ASPHD1: variants seen among roughly 807,000 people sequenced by gnomAD.
ASPHD1 encodes the protein aspartate beta-hydroxylase domain-containing protein 1.
Under a neutral mutation model 28.3 loss-of-function variants are expected in ASPHD1, and 20 were observed. That is an observed-to-expected ratio of 0.71 (90% CI 0.50 to 1.03). The LOEUF (loss-of-function observed/expected upper bound fraction) is 1.03, where lower values mean the gene tolerates loss of function less well. Ranked by LOEUF, ASPHD1 falls within the 50% of genes least tolerant of loss-of-function variation. ASPHD1 has a pLI of 0.00. For synonymous variants in ASPHD1, 240 were observed against 221.2 expected, an observed-to-expected ratio of 1.08 and a Z score of -0.75; for missense variants, 479 against 524.1, an observed-to-expected ratio of 0.91 and a Z score of 0.84.
Position 29,905,989 on chromosome 16 carries a change from GTGGGC to G in ASPHD1, c.*93_*97del. The G allele has an allele frequency of 1.3e-5, 10 of 765,256 alleles. No individual in the cohort carries two copies. Among genetic ancestry groups the G allele is most frequent in the East Asian group, 6.4e-5 (2 of 31,494 alleles). The allele number at this position is 765,256 out of a possible 1,614,324, so 47.4% of individuals were successfully genotyped here. Reference sequence around the variant, plus strand: ...CCAGGACCTCCTCTCTACTGCGGGGGTGGGCGGGGGCGGAGGATGGGAACTGGCTA... The same window carrying G: ...CCAGGACCTCCTCTCTACTGCGGGGGGGGGGCGGAGGATGGGAACTGGCTA... On this transcript the variant is annotated 3_prime_UTR_variant, in exon 3 of 3. Transcript: ENST00000308748.
downstream of ASPHD1, chr16:29,906,871 G>A (rs371356818): frequency 6.2e-5 from 100 of 1,612,994 alleles, no homozygotes; most frequent in Middle Eastern, 5.0e-4. Flanking sequence ...AGGGTCAGAG[G>A]TCAGTCCTTG....
At position 29,900,947 on chromosome 16, in the gene ASPHD1, A is replaced by C; in HGVS notation, c.-25A>C. On this transcript the variant is annotated 5_prime_UTR_variant, in exon 1 of 3. Coordinates refer to ENST00000308748, the MANE Select transcript of ASPHD1 (RefSeq NM_181718.4). ...TAGAAGGAGAGAGAAAGGGGAGAGA[A>C]AGGAGAGAGGAGGGTTGGAGGTGCA... 6.5e-7 allele frequency: 1 copy of C among 1,544,054 alleles called. No homozygotes were observed. Among genetic ancestry groups the C allele is most frequent in the Non-Finnish European group, 8.8e-7 (1 of 1,141,634 alleles).
chr16:29,911,690 G>A (rs544369227), intron 3 of ASPHD1: 11 of 1,007,868 alleles, frequency 1.1e-5, no homozygotes, highest in Non-Finnish European at 1.6e-5. Context: ...AGGCGAAGCC[G>A]AATCTGCGAG....
chr16:29,906,463 G>A (rs918005862), downstream of ASPHD1: 15 of 463,268 alleles, frequency 3.2e-5, no homozygotes, highest in Non-Finnish European at 6.0e-5. Flanking sequence ...AGGAGGTAGG[G>A]AGGATGGTGG....
At chr16:29,903,762 T>A (rs2150829087) in intron 1 of ASPHD1, among the ~76,000 whole-genome samples, 1 of 152,274 alleles carries the variant, frequency 6.6e-6, no homozygotes, top group East Asian at 1.9e-4. Context: ...GAAAAACTCC[T>A]ACTCAGCCTT....
intron 2 of ASPHD1, 100 bp from the exon 3 acceptor site, chr16:29,905,688 G>T: frequency 3.0e-6 from 2 of 658,088 alleles, no homozygotes; most frequent in Non-Finnish European, 2.7e-6. Flanking sequence ...AACAAGGCCT[G>T]CCACTTATTT....
intron 3 of ASPHD1, chr16:29,911,250 G>A (rs2068703300): frequency 7.1e-6 from 8 of 1,122,388 alleles, no homozygotes; most frequent in African/African-American, 1.5e-5. Context: ...GGGCCTGGAT[G>A]CATTCCCAGT....
chr16:29,915,794 G>A (rs868074955), intron 3 of ASPHD1, among the ~76,000 whole-genome samples: 8 of 152,152 alleles, frequency 5.3e-5, no homozygotes, highest in Middle Eastern at 6.8e-3. Context: ...CTTAACAAAG[G>A]ACTTTTTCAT....
chr16:29,918,473 T>C (rs1333896787), intron 3 of ASPHD1, among the ~76,000 whole-genome samples: 2 of 152,170 alleles, frequency 1.3e-5, no homozygotes, highest in Non-Finnish European at 2.9e-5. Flanking sequence ...TATTTTATTA[T>C]TTATTCATTT....
intron 2 of ASPHD1, among the ~76,000 whole-genome samples, chr16:29,905,548 A>G (rs190189737): frequency 1.7e-4 from 25 of 151,084 alleles, no homozygotes; most frequent in African/African-American, 4.9e-4. Flanking sequence ...GAATTGCTTG[A>G]ACCTGGGAGG....
downstream of ASPHD1, chr16:29,906,767 A>G: frequency 1.1e-6 from 1 of 916,180 alleles, no homozygotes; most frequent in Non-Finnish European, 1.7e-6. Flanking sequence ...ACAGAGGAGG[A>G]CCCACGACTT....
Position 29,911,490 on chromosome 16 carries a change from C to T in ASPHD1, c.*62+5531C>T, listed in dbSNP as rs995672338. ...CAAGTTACTTCACCTCTTGGTGTCC[C>T]GACCTCCTCATCTGTAAAATGGAGC... On this transcript the variant is annotated intron_variant and NMD_transcript_variant, in intron 3 of 3. Coordinates refer to the ASPHD1 transcript ENST00000414952. 38 of 562,818 alleles carry T rather than the reference C, an allele frequency of 6.8e-5. 1 individual carries two copies. The highest frequency in any genetic ancestry group is 5.3e-4 in the Admixed American group (16 of 30,274). The allele number at this position is 562,818 out of a possible 1,614,324, so 34.9% of individuals were successfully genotyped here.
downstream of ASPHD1, among the ~76,000 whole-genome samples, chr16:29,909,375 TG>T (rs2068666297): frequency 6.6e-6 from 1 of 152,188 alleles, no homozygotes; most frequent in South Asian, 2.1e-4. Context: ...GGCAACAGTG[TG>T]TGCAGAGGTA....
At chr16:29,905,050 C>T (rs903892677) in intron 2 of ASPHD1, 85 bp downstream of exon 2, 26 of 978,420 alleles carry the variant, frequency 2.7e-5, no homozygotes, top group South Asian at 2.5e-4. Flanking sequence ...TCAGGCCCAA[C>T]GGACTTCCTG....
chr16:29,914,975 C>CA lies in ASPHD1; in HGVS notation c.*63-4542dup, dbSNP rs538063744. 5.3e-3 allele frequency: 682 copies of CA among 128,628 alleles called. 1 individual carries two copies. The highest frequency in any genetic ancestry group is 0.011 in the Admixed American group (134 of 12,746). 8.0% of individuals were successfully genotyped at this position (128,628 alleles called of 1,614,324 possible). On this transcript the variant is annotated intron_variant and NMD_transcript_variant, in intron 3 of 3. Transcript: ENST00000414952. ...TGGGCAACATAGCAAGACTCTGTCTCAAAAAAAAAAAAAAGTGGGGCAGGG... is the reference window on the plus strand; with the variant it reads ...TGGGCAACATAGCAAGACTCTGTCTCAAAAAAAAAAAAAAAGTGGGGCAGGG...
At position 29,901,661 on chromosome 16, in the gene ASPHD1, C is replaced by G; in HGVS notation, c.690C>G (p.Asp230Glu). 1 of 1,583,520 alleles carries G rather than the reference C, an allele frequency of 6.3e-7. No homozygotes were observed. Among genetic ancestry groups the G allele is most frequent in the Non-Finnish European group, 8.5e-7 (1 of 1,171,002 alleles). ...ILRDFGAVSW[D>E]FSGTTPPPRG... ...GGGACTTCGGGGCTGTGAGCTGGGACTTCTCAGGGACTACCCCTCCGCCTC... is the reference window on the plus strand; with the variant it reads ...GGGACTTCGGGGCTGTGAGCTGGGAGTTCTCAGGGACTACCCCTCCGCCTC... Residue 230 changes from aspartate (D) to glutamate (E), a missense_variant, in exon 1 of 3, where the codon GAC becomes GAG. Physicochemically the swap from Asp to Glu is conservative, Grantham distance 45. Coordinates refer to ENST00000308748, the MANE Select transcript of ASPHD1 (RefSeq NM_181718.4). This position sits in a 1 kb window ranked among gnomAD's most constrained non-coding sequence, Gnocchi z 5.1.
In ASPHD1 at chr16:29,906,046, T is replaced by G; in HGVS notation, c.*149T>G. The G allele has an allele frequency of 1.8e-6, 1 of 560,018 alleles. No homozygotes were observed. The highest frequency in any genetic ancestry group is 3.1e-6 in the Non-Finnish European group (1 of 324,790). The allele number at this position is 560,018 out of a possible 1,614,324, so 34.7% of individuals were successfully genotyped here. A position where few individuals can be genotyped will look rare whatever the true frequency, so the allele number is the denominator to read the frequency against. On this transcript the variant is annotated 3_prime_UTR_variant, in exon 3 of 3. Transcript: ENST00000308748. ...TGAGCACTGAAATATAAATTCTGAATCCTCTCCTAACTCCCGACTACTTCC... is the reference window on the plus strand; with the variant it reads ...TGAGCACTGAAATATAAATTCTGAAGCCTCTCCTAACTCCCGACTACTTCC...
downstream of ASPHD1, chr16:29,906,907 G>A (rs973373938): frequency 3.1e-6 from 5 of 1,614,140 alleles, no homozygotes; most frequent in East Asian, 2.2e-5. Context: ...CCATGAGGAC[G>A]CTCGTCGTGG....
rs748847924 is a variant in ASPHD1 at position 29,900,929 on chromosome 16, A to AGAGAGAAAGGG, written c.-32_-22dup. 1 of 1,521,308 alleles carries AGAGAGAAAGGG rather than the reference A, an allele frequency of 6.6e-7. No homozygotes were observed. Among genetic ancestry groups the AGAGAGAAAGGG allele is most frequent in the South Asian group, 1.2e-5 (1 of 83,094 alleles). The allele number at this position is 1,521,308 out of a possible 1,614,324, so 94.2% of individuals were successfully genotyped here. ...GAGAGGAGGAAGAAGAGGTAGAAGGAGAGAGAAAGGGGAGAGAAAGGAGAG... is the reference window on the plus strand; with the variant it reads ...GAGAGGAGGAAGAAGAGGTAGAAGGAGAGAGAAAGGGGAGAGAAAGGGGAGAGAAAGGAGAG... On this transcript the variant is annotated 5_prime_UTR_variant, in exon 1 of 3. Coordinates refer to ENST00000308748, the MANE Select transcript of ASPHD1 (RefSeq NM_181718.4).
Sources: allele counts gnomAD v4.1 joint callset (sites outside exome capture counted in the v4.1 genomes callset), GRCh38; gene constraint gnomAD v4.1.1; non-coding constraint Gnocchi (gnomAD v3.1); transcripts MANE v1.5; gene names NCBI Gene and HGNC (gene_info 2026-07-23, HGNC 2026-07-21).